The following SDCCAG8 variants were observed in gnomAD, a reference collection of about 807,000 sequenced individuals.
SDCCAG8 encodes the protein SHH signaling and ciliogenesis regulator SDCCAG8.
Under a neutral mutation model 101.8 loss-of-function variants are expected in SDCCAG8, and 74 were observed. The ratio of observed to expected loss-of-function variants is 0.73; its 90% CI spans 0.60 to 0.88. The LOEUF is 0.88. Among genes scored for constraint, SDCCAG8 ranks in the 40% least tolerant of loss-of-function variants. The pLI is 0.00. For synonymous variants in SDCCAG8, 281 were observed against 292.9 expected, an observed-to-expected ratio of 0.96 and a Z score of 0.41; for missense variants, 787 against 822.6, an observed-to-expected ratio of 0.96 and a Z score of 0.53.
intron 12 of SDCCAG8, among the ~76,000 whole-genome samples, chr1:243,355,047 C>T (rs1310395870): frequency 3.3e-5 from 5 of 152,138 alleles, no homozygotes; most frequent in Non-Finnish European, 7.3e-5. Flanking sequence ...CTAGGCTGCT[C>T]CTGAGTGTTA....
At chr1:243,322,693 A>G (rs1411554478) in intron 9 of SDCCAG8, among the ~76,000 whole-genome samples, 1 of 152,144 alleles carries the variant, frequency 6.6e-6, no homozygotes, top group African/African-American at 2.4e-5. Flanking sequence ...AGTTCTCACT[A>G]GCACTCTACA....
chr1:243,398,420 T>C lies in SDCCAG8; in HGVS notation c.1617-17282T>C, dbSNP rs2079157045. Among the ~76,000 whole-genome samples the C allele has an allele frequency of 4.6e-5, 7 of 152,190 alleles. No individual in the cohort carries two copies. In the South Asian group the frequency reaches 1.5e-3, roughly 32 times the overall value. On this transcript the variant is annotated intron_variant, in intron 13 of 17. Coordinates refer to ENST00000366541, the MANE Select transcript of SDCCAG8 (RefSeq NM_006642.5). ...ATACAACTATATTTTGAAGGAAAAA[T>C]GGTTAGTGATTTCTTCTAGTAAAAG...
At chr1:243,420,749 G>C (rs1303238873) in intron 15 of SDCCAG8, among the ~76,000 whole-genome samples, 2 of 152,134 alleles carry the variant, frequency 1.3e-5, no homozygotes, top group Admixed American at 6.5e-5. Context: ...TTTTAGGGTT[G>C]TTTGTTCTTA....
At chr1:243,361,809 C>T (rs1031402900) in intron 12 of SDCCAG8, among the ~76,000 whole-genome samples, 15 of 152,340 alleles carry the variant, frequency 9.8e-5, no homozygotes, top group Middle Eastern at 3.4e-3. Flanking sequence ...ACCTCATTCC[C>T]CTCCTTCATG....
At chr1:243,460,041 T>C (rs1341029983) in intron 16 of SDCCAG8, among the ~76,000 whole-genome samples, 2 of 152,204 alleles carry the variant, frequency 1.3e-5, no homozygotes, top group Non-Finnish European at 2.9e-5. Context: ...TTATTTTGTT[T>C]GTTCTTTTTT....
At chr1:243,317,641 G>A (rs539974397) in intron 9 of SDCCAG8, among the ~76,000 whole-genome samples, 47 of 152,212 alleles carry the variant, frequency 3.1e-4, no homozygotes, top group African/African-American at 1.1e-3. Context: ...CTTTGAGTCT[G>A]GACTTACTGT....
At chr1:243,258,319 C>T (rs188912164) in intron 1 of SDCCAG8, among the ~76,000 whole-genome samples, 2 of 152,286 alleles carry the variant, frequency 1.3e-5, no homozygotes, top group East Asian at 1.9e-4. Context: ...TATATAACAG[C>T]TTCTGGAAGG....
intron 5 of SDCCAG8, among the ~76,000 whole-genome samples, chr1:243,292,740 G>A (rs1267964577): frequency 1.3e-5 from 2 of 152,182 alleles, no homozygotes; most frequent in Admixed American, 6.5e-5. Context: ...ATTATTATTA[G>A]CCATGCATTT....
chr1:243,318,434 T>A (rs924311240), intron 9 of SDCCAG8: 39 of 323,516 alleles, frequency 1.2e-4, no homozygotes, highest in African/African-American at 8.8e-4. Context: ...GATAAAATAA[T>A]CTGTATAACA....
chr1:243,498,191 G>C (rs1461603746), intron 17 of SDCCAG8, among the ~76,000 whole-genome samples: 1 of 152,172 alleles, frequency 6.6e-6, no homozygotes, highest in Non-Finnish European at 1.5e-5. Flanking sequence ...CACCTGGCCT[G>C]GAGGGCACGT....
At chr1:243,382,995 A>G (rs568384527) in intron 13 of SDCCAG8, among the ~76,000 whole-genome samples, 6 of 152,322 alleles carry the variant, frequency 3.9e-5, no homozygotes, top group South Asian at 2.1e-4. Context: ...GAGATGTCCA[A>G]TGTTGGCTTG....
intron 4 of SDCCAG8, among the ~76,000 whole-genome samples, chr1:243,282,668 A>G (rs992334535): frequency 6.6e-6 from 1 of 152,118 alleles, no homozygotes; most frequent in African/African-American, 2.4e-5. Flanking sequence ...TTGAAGGTTA[A>G]TCTTGCTGAA....
At chr1:243,391,979 C>T (rs773112825) in intron 13 of SDCCAG8, among the ~76,000 whole-genome samples, 10 of 151,724 alleles carry the variant, frequency 6.6e-5, no homozygotes, top group Non-Finnish European at 1.3e-4. Flanking sequence ...AAGTGTGGCT[C>T]ACCAGGCTGG....
chr1:243,421,782 C>T (rs1005368447), intron 15 of SDCCAG8, among the ~76,000 whole-genome samples: 3 of 152,168 alleles, frequency 2.0e-5, no homozygotes, highest in African/African-American at 7.2e-5. Flanking sequence ...TTTCGCTATC[C>T]TTCCTTCTGT....
rs1351192581 is a variant in SDCCAG8 at position 243,426,477 on chromosome 1, T to G, written c.1904T>G (p.Leu635Trp). ...SQEKRYTYDK[L>W]GKLQRRNEEL... Reference sequence around the variant, plus strand: ...GAAAAAAGGTATACATATGATAAATTGGGAAAGTTACAGAGAAGAAATGAA... The same window carrying G: ...GAAAAAAGGTATACATATGATAAATGGGGAAAGTTACAGAGAAGAAATGAA... The change falls in exon 16 of 18, where the codon TTG becomes TGG. Residue 635 changes from leucine to tryptophan, a missense_variant. Leu to Trp is a moderately conservative substitution (Grantham distance 61). Transcript: ENST00000366541. 1 of 1,613,844 alleles carries G rather than the reference T, an allele frequency of 6.2e-7. No individual in the cohort carries two copies. Among genetic ancestry groups the G allele is most frequent in the Non-Finnish European group, 8.5e-7 (1 of 1,179,844 alleles).
chr1:243,404,674 A>G (rs1047682228), intron 13 of SDCCAG8, among the ~76,000 whole-genome samples: 2 of 152,242 alleles, frequency 1.3e-5, no homozygotes, highest in East Asian at 3.9e-4. Flanking sequence ...AGAGTTCTCA[A>G]TCAAACTCTA....
chr1:243,298,503 G>C (rs1213876274), intron 6 of SDCCAG8, among the ~76,000 whole-genome samples: 1 of 151,856 alleles, frequency 6.6e-6, no homozygotes, highest in Non-Finnish European at 1.5e-5. Context: ...TTTTAGTAGA[G>C]ACGGGGTTTC....
chr1:243,313,368 A>G lies in SDCCAG8; in HGVS notation c.930-3387A>G, dbSNP rs115196041. Among the ~76,000 whole-genome samples the G allele has an allele frequency of 3.5e-3, 536 of 152,356 alleles. 6 individuals carry two copies. Among genetic ancestry groups the G allele is most frequent in the African/African-American group, 0.012 (489 of 41,574 alleles). ...AAGGTGGAGCTCATGCATATACATT[A>G]GACCAACTCTTTTGCTTAAACACTT... On this transcript the variant is annotated intron_variant, in intron 8 of 17. Coordinates refer to ENST00000366541, the MANE Select transcript of SDCCAG8 (RefSeq NM_006642.5).
intron 16 of SDCCAG8, among the ~76,000 whole-genome samples, chr1:243,488,803 C>G (rs143290018): frequency 3.0e-4 from 45 of 152,276 alleles, no homozygotes; most frequent in African/African-American, 1.0e-3. Context: ...ACTGAGATGG[C>G]TCCCAGTTCC....
Sources: allele counts gnomAD v4.1 joint callset (sites outside exome capture counted in the v4.1 genomes callset), GRCh38; gene constraint gnomAD v4.1.1; transcripts MANE v1.5; gene names NCBI Gene and HGNC (gene_info 2026-07-23, HGNC 2026-07-21).